JAKMIP2: variants seen among roughly 807,000 people sequenced by gnomAD.
The protein encoded by JAKMIP2 is janus kinase and microtubule-interacting protein 2.
In JAKMIP2, 25 loss-of-function variants were observed where a neutral mutation model predicts 115.0. The ratio of observed to expected loss-of-function variants is 0.22; its 90% CI spans 0.16 to 0.30. The LOEUF (loss-of-function observed/expected upper bound fraction) is 0.30, where lower values mean the gene tolerates loss of function less well. JAKMIP2 is among the 10% of genes least tolerant of loss of function. The pLI is 1.00. For synonymous variants in JAKMIP2, 334 were observed against 343.6 expected (o/e 0.97, Z 0.31); for missense variants, 642 against 957.6 (o/e 0.67, Z 4.35).
At chr5:147,640,924 G>A in intron 8 of JAKMIP2, 101 bp from the exon 9 acceptor site, 4 of 978,762 alleles carry the variant, frequency 4.1e-6, no homozygotes, top group Non-Finnish European at 6.0e-6. Flanking sequence ...GAATATAGAA[G>A]ACATGGATCC....
chr5:147,771,190 G>T (rs76621473), intron 1 of JAKMIP2, among the ~76,000 whole-genome samples: 8,152 of 152,140 alleles, frequency 0.054, 275 homozygotes, highest in Non-Finnish European at 0.074. Context: ...TATTTGTTAA[G>T]AGCAACTTTG....
At chr5:147,702,926 T>C (rs1752432709) in intron 1 of JAKMIP2, among the ~76,000 whole-genome samples, 1 of 152,156 alleles carries the variant, frequency 6.6e-6, no homozygotes, top group South Asian at 2.1e-4. Context: ...TGGGATTTGT[T>C]TCCAATAGGA....
chr5:147,605,080 G>A (rs1467188407), intron 20 of JAKMIP2, among the ~76,000 whole-genome samples: 2 of 151,840 alleles, frequency 1.3e-5, no homozygotes, highest in Non-Finnish European at 2.9e-5. Flanking sequence ...GCAGTGTTTG[G>A]TTTTCTATTC....
intron 1 of JAKMIP2, among the ~76,000 whole-genome samples, chr5:147,770,995 G>C (rs918959125): frequency 7.2e-5 from 11 of 152,076 alleles, no homozygotes; most frequent in Admixed American, 6.6e-4. Flanking sequence ...ACTGAGGAAA[G>C]TGTGTTTATG....
At chr5:147,616,684 G>T (rs2126641622) in intron 19 of JAKMIP2, among the ~76,000 whole-genome samples, 1 of 152,302 alleles carries the variant, frequency 6.6e-6, no homozygotes, top group Non-Finnish European at 1.5e-5. Flanking sequence ...TATTATTAAA[G>T]ACTTTAAGAA....
Position 147,588,214 on chromosome 5 carries a change from G to A in JAKMIP2, c.*3493C>T, listed in dbSNP as rs548610534. ...CTATCCTGAATAACTATTTAAATTG[G>A]GTCTTTTATTTATCTCAAATTATCT... On this transcript the variant is annotated 3_prime_UTR_variant, in exon 22 of 22. Transcript: ENST00000616793. 1 of 151,772 alleles carries A rather than the reference G, an allele frequency of 6.6e-6. No homozygotes were observed. Among genetic ancestry groups the A allele is most frequent in the East Asian group, 1.9e-4 (1 of 5,154 alleles). The allele number at this position is 151,772 out of a possible 1,614,324, so 9.4% of individuals were successfully genotyped here. A position where few individuals can be genotyped will look rare whatever the true frequency, so the allele number is the denominator to read the frequency against.
At chr5:147,764,185 TCAAA>T (rs1755028788) in intron 1 of JAKMIP2, among the ~76,000 whole-genome samples, 1 of 152,138 alleles carries the variant, frequency 6.6e-6, no homozygotes, top group Non-Finnish European at 1.5e-5. Context: ...AATTTGTTCC[TCAAA>T]CAGAGGTGTC....
At chr5:147,648,690 A>C (rs1390284211) in intron 4 of JAKMIP2, among the ~76,000 whole-genome samples, 1 of 152,188 alleles carries the variant, frequency 6.6e-6, no homozygotes, top group Non-Finnish European at 1.5e-5. Context: ...TTGTAATTGC[A>C]AATGAATTCC....
chr5:147,679,461 C>G (rs945729691), intron 1 of JAKMIP2, among the ~76,000 whole-genome samples: 1 of 152,100 alleles, frequency 6.6e-6, no homozygotes, highest in Admixed American at 6.5e-5. Flanking sequence ...AGAGAGGAGA[C>G]AAACACCTGC....
At chr5:147,643,337 C>G (rs949658275) in intron 7 of JAKMIP2, among the ~76,000 whole-genome samples, 1 of 152,162 alleles carries the variant, frequency 6.6e-6, no homozygotes, top group African/African-American at 2.4e-5. Flanking sequence ...ACTCTGGAGA[C>G]TATTGCCTAA....
intron 19 of JAKMIP2, among the ~76,000 whole-genome samples, chr5:147,614,132 C>T (rs1037678710): frequency 6.6e-6 from 1 of 152,186 alleles, no homozygotes; most frequent in Admixed American, 6.5e-5. Flanking sequence ...ATTCAGCCAT[C>T]ACATCTATGC....
At chr5:147,776,003 T>C (rs1314518336) in intron 1 of JAKMIP2, among the ~76,000 whole-genome samples, 2 of 152,174 alleles carry the variant, frequency 1.3e-5, no homozygotes, top group African/African-American at 2.4e-5. Flanking sequence ...AAACGGGATA[T>C]ATACCTAGGG....
chr5:147,642,296 T>A (rs1394336843), intron 7 of JAKMIP2, among the ~76,000 whole-genome samples: 2 of 152,120 alleles, frequency 1.3e-5, no homozygotes, highest in African/African-American at 4.8e-5. Context: ...AGTGTTTCTG[T>A]TTTGTCTTCA....
intron 1 of JAKMIP2, among the ~76,000 whole-genome samples, chr5:147,708,515 C>T (rs1237168092): frequency 6.6e-6 from 1 of 152,166 alleles, no homozygotes; most frequent in East Asian, 1.9e-4. Flanking sequence ...CCAACACTTA[C>T]ATGTTAATTA....
chr5:147,743,474 A>T (rs1459035859), intron 1 of JAKMIP2, among the ~76,000 whole-genome samples: 1 of 152,202 alleles, frequency 6.6e-6, no homozygotes, highest in Non-Finnish European at 1.5e-5. Context: ...TAGCCCTGTT[A>T]TTTTTAAAAT....
At chr5:147,751,850 T>C (rs1360422891) in intron 1 of JAKMIP2, among the ~76,000 whole-genome samples, 1 of 152,162 alleles carries the variant, frequency 6.6e-6, no homozygotes, top group Non-Finnish European at 1.5e-5. Flanking sequence ...GCTTAAGTGG[T>C]GCTGTGGCTT....
intron 1 of JAKMIP2, among the ~76,000 whole-genome samples, chr5:147,718,473 C>G (rs1365258123): frequency 3.9e-5 from 6 of 152,036 alleles, no homozygotes; most frequent in African/African-American, 9.7e-5. Flanking sequence ...AATCCATCTG[C>G]TCCTGGACTC....
At position 147,590,713 on chromosome 5, in the gene JAKMIP2, A is replaced by G. The variant is rs1334158503; in HGVS notation, c.*994T>C. ...AATTTTAAGCAGCCATTTGAAAAAC[A>G]GTATTTTGGAAATGAAAGATTCAGA... On this transcript the variant is annotated 3_prime_UTR_variant, in exon 22 of 22. Transcript: ENST00000616793. 1 of 152,216 alleles carries G rather than the reference A, an allele frequency of 6.6e-6. No homozygotes were observed. Among genetic ancestry groups the G allele is most frequent in the Non-Finnish European group, 1.5e-5 (1 of 68,042 alleles). 9.4% of individuals were successfully genotyped at this position (152,216 alleles called of 1,614,324 possible).
chr5:147,719,232 T>C (rs1405874662), intron 1 of JAKMIP2, among the ~76,000 whole-genome samples: 5 of 130,984 alleles, frequency 3.8e-5, no homozygotes, highest in African/African-American at 1.3e-4. Context: ...ATAATTTGTG[T>C]TCTTTTACAT....
Sources: gnomAD v4.1 joint callset for allele counts (sites outside exome capture counted in the v4.1 genomes callset) on GRCh38, gnomAD v4.1.1 for gene constraint, MANE v1.5 for transcripts, NCBI Gene and HGNC (gene_info 2026-07-23, HGNC 2026-07-21) for gene names.